Variants in MAP2K4 observed in about 807,000 individuals in gnomAD.
MAP2K4 encodes the protein mitogen-activated protein kinase kinase 4, also known as dual specificity mitogen-activated protein kinase kinase 4.
In MAP2K4, 4 loss-of-function variants were observed where a neutral mutation model predicts 48.5. The observed-to-expected ratio is 0.08, with a 90% CI of 0.04 to 0.19. The LOEUF (loss-of-function observed/expected upper bound fraction) is 0.19, where lower values mean the gene tolerates loss of function less well. Ranked by LOEUF, MAP2K4 falls within the 10% of genes least tolerant of loss-of-function variation. The pLI, the probability that MAP2K4 is intolerant of heterozygous loss-of-function variation, is 1.00. For missense variants in MAP2K4, 258 were observed against 493.3 expected (o/e 0.52, Z 4.52); for synonymous variants, 166 against 173.1 (o/e 0.96, Z 0.32).
At chr17:12,106,289 A>G (rs1420860663) in intron 4 of MAP2K4, among the ~76,000 whole-genome samples, 1 of 152,198 alleles carries the variant, frequency 6.6e-6, no homozygotes, top group African/African-American at 2.4e-5. Flanking sequence ...TCGATCTTTC[A>G]TGATAGCCAT....
chr17:12,129,096 T>A (rs760632693), intron 8 of MAP2K4, 43 bp from the exon 9 acceptor site: 11 of 1,602,786 alleles, frequency 6.9e-6, no homozygotes. Flanking sequence ...GAGTAGTAAA[T>A]GATGCCTGGT....
chr17:12,118,001 C>T (rs766853834), intron 7 of MAP2K4, among the ~76,000 whole-genome samples: 5 of 152,148 alleles, frequency 3.3e-5, no homozygotes, highest in African/African-American at 4.8e-5. Flanking sequence ...ATGGTATGCT[C>T]ATCATGAAAT....
chr17:12,065,001 G>C (rs1277368508), intron 2 of MAP2K4, among the ~76,000 whole-genome samples: 1 of 152,140 alleles, frequency 6.6e-6, no homozygotes, highest in Non-Finnish European at 1.5e-5. Context: ...AGAGTAGGCA[G>C]AACAGATCTG....
intron 2 of MAP2K4, among the ~76,000 whole-genome samples, chr17:12,066,889 C>T (rs1970634316): frequency 6.6e-6 from 1 of 152,206 alleles, no homozygotes; most frequent in South Asian, 2.1e-4. Flanking sequence ...CGGGGCTTCA[C>T]CGTGGTCTCG....
At chr17:12,075,856 T>C (rs1970982989) in intron 2 of MAP2K4, among the ~76,000 whole-genome samples, 1 of 152,236 alleles carries the variant, frequency 6.6e-6, no homozygotes, top group African/African-American at 2.4e-5. Flanking sequence ...AGGTATAATA[T>C]GCTGTTTTTG....
At chr17:12,056,619 T>A (rs1386206334) in intron 2 of MAP2K4, among the ~76,000 whole-genome samples, 2 of 152,120 alleles carry the variant, frequency 1.3e-5, no homozygotes, top group Admixed American at 1.3e-4. Context: ...AGACCCAGAC[T>A]TTGTTGTAAG....
chr17:12,086,418 A>G, intron 3 of MAP2K4, among the ~76,000 whole-genome samples: 1 of 152,148 alleles, frequency 6.6e-6, no homozygotes. Context: ...CAGGTTGCTT[A>G]TGTAGATGGG....
rs116112677 is a variant in MAP2K4, at chr17:12,037,843, C to G, written c.115+16842C>G. ...TTCCAGAGTCAGGATTCACCTATTC[C>G]TCTCATACTTTATGCTTATACCTTA... On this transcript the variant is annotated intron_variant, in intron 1 of 10. Coordinates refer to ENST00000353533, the MANE Select transcript of MAP2K4 (RefSeq NM_003010.4). Among the ~76,000 whole-genome samples the G allele has an allele frequency of 9.2e-3, 1,405 of 152,154 alleles. 23 individuals carry two copies. The highest frequency in any genetic ancestry group is 0.032 in the African/African-American group (1,346 of 41,512).
In MAP2K4 at chr17:12,033,069, CAA is replaced by C. The variant is rs561773332; in HGVS notation, c.115+12069_115+12070del. 2.0e-3 allele frequency among the ~76,000 whole-genome samples: 303 copies of C among 151,976 alleles called. 2 individuals carry two copies. Among genetic ancestry groups the C allele is most frequent in the African/African-American group, 6.8e-3 (281 of 41,458 alleles). ...TAGGCTAGTCTCAAACTCCTGGGCT[CAA>C]GAGATCCTCCTTTCTTGGCCTCCCA... On this transcript the variant is annotated intron_variant, in intron 1 of 10. Coordinates refer to ENST00000353533, the MANE Select transcript of MAP2K4 (RefSeq NM_003010.4).
Position 12,060,725 on chromosome 17 carries a change from T to TGG in MAP2K4, c.218+5737_218+5738dup, listed in dbSNP as rs200746085. ...TTAATCTCAAATGTGTTAAATACTA[T>TGG]GGGGTGTGTGTGTGTGTGTGTGCGC... On this transcript the variant is annotated intron_variant, in intron 2 of 10. Coordinates refer to ENST00000353533, the MANE Select transcript of MAP2K4 (RefSeq NM_003010.4). 2.3e-4 allele frequency among the ~76,000 whole-genome samples: 32 copies of TGG among 139,116 alleles called. No individual in the cohort carries two copies. The South Asian group carries it at 2.3e-3, about 10-fold the overall frequency. 91.3% of individuals were successfully genotyped at this position (139,116 alleles called of 152,430 possible).
At position 12,141,352 on chromosome 17, in the gene MAP2K4, G is replaced by T; in HGVS notation, c.*92G>T. The T allele has an allele frequency of 2.3e-6, 2 of 871,498 alleles. No individual in the cohort carries two copies. Among genetic ancestry groups the T allele is most frequent in the South Asian group, 1.4e-5 (1 of 73,802 alleles). The allele number at this position is 871,498 out of a possible 1,614,324, so 54.0% of individuals were successfully genotyped here. ...CCGTATCACAGTGTTTTTATTGCTC[G>T]CCCAGACACCATGTGCAATAAGATT... On this transcript the variant is annotated 3_prime_UTR_variant, in exon 11 of 11. Transcript: ENST00000353533.
In MAP2K4 at chr17:12,123,988, TTGA is replaced by T. The variant is rs1377952164; in HGVS notation, c.814-1300_814-1298del. Among the ~76,000 whole-genome samples the T allele has an allele frequency of 5.3e-5, 8 of 152,338 alleles. No individual in the cohort carries two copies. The South Asian group carries it at 1.5e-3, about 28-fold the overall frequency. ...TGCTAGTTTGGGGAAAATGTTGATCTTGATGATGTTGGATGGAGTATTTTTTCT... is the reference window on the plus strand; with the variant it reads ...TGCTAGTTTGGGGAAAATGTTGATCTTGATGTTGGATGGAGTATTTTTTCT... On this transcript the variant is annotated intron_variant, in intron 7 of 10. Transcript: ENST00000353533.
intron 7 of MAP2K4, among the ~76,000 whole-genome samples, chr17:12,120,119 T>A (rs2151583212): frequency 6.6e-6 from 1 of 152,234 alleles, no homozygotes; most frequent in South Asian, 2.1e-4. Context: ...TTTACCTATA[T>A]AACAAACCTG....
At chr17:12,102,929 C>G (rs943395322) in intron 4 of MAP2K4, among the ~76,000 whole-genome samples, 1 of 149,490 alleles carries the variant, frequency 6.7e-6, no homozygotes, top group African/African-American at 2.5e-5. Flanking sequence ...TAATTTATGT[C>G]TTCTTTTTTT....
intron 2 of MAP2K4, among the ~76,000 whole-genome samples, chr17:12,078,184 A>T (rs2151545757): frequency 6.6e-6 from 1 of 152,226 alleles, no homozygotes; most frequent in East Asian, 1.9e-4. Context: ...GTTAGGGAGG[A>T]TGAAGAGGAG....
intron 9 of MAP2K4, among the ~76,000 whole-genome samples, 171 bp from the exon 10 acceptor site, chr17:12,139,668 A>G (rs946118562): frequency 5.9e-5 from 9 of 152,102 alleles, no homozygotes; most frequent in Non-Finnish European, 1.3e-4. Context: ...CAGATTATAG[A>G]CTCACAATTT....
chr17:12,094,629 T>C (rs370268032), intron 3 of MAP2K4, among the ~76,000 whole-genome samples: 1 of 152,160 alleles, frequency 6.6e-6, no homozygotes, highest in African/African-American at 2.4e-5. Flanking sequence ...TAAACTATAA[T>C]TTTATTATTA....
intron 8 of MAP2K4, among the ~76,000 whole-genome samples, chr17:12,125,662 G>A (rs1972830216): frequency 2.6e-5 from 4 of 152,156 alleles, no homozygotes; most frequent in Admixed American, 2.0e-4. Context: ...ACTAAGAATG[G>A]GAACAGGACA....
At chr17:12,119,480 A>G (rs1972607644) in intron 7 of MAP2K4, among the ~76,000 whole-genome samples, 1 of 152,220 alleles carries the variant, frequency 6.6e-6, no homozygotes, top group African/African-American at 2.4e-5. Flanking sequence ...AAAAAATGTC[A>G]AAACAACAGA....
Sources: gnomAD v4.1 joint callset for allele counts (sites outside exome capture counted in the v4.1 genomes callset) on GRCh38, gnomAD v4.1.1 for gene constraint, MANE v1.5 for transcripts, NCBI Gene and HGNC (gene_info 2026-07-23, HGNC 2026-07-21) for gene names.